The following FRYL variants were observed in gnomAD, a reference collection of about 807,000 sequenced individuals.
FRYL encodes protein furry homolog-like.
Under a neutral mutation model 351.2 loss-of-function variants are expected in FRYL, and 150 were observed. The ratio of observed to expected loss-of-function variants is 0.43; its 90% CI spans 0.37 to 0.49. FRYL has a LOEUF of 0.49. FRYL is among the 20% of genes least tolerant of loss of function. The pLI, the probability that FRYL is intolerant of heterozygous loss-of-function variation, is 0.00. For synonymous variants in FRYL, 1,153 were observed against 1,257.1 expected (o/e 0.92, Z 1.75); for missense variants, 3,036 against 3,619.3 (o/e 0.84, Z 4.13).
chr4:48,516,402 T>C (rs1401652930), intron 55 of FRYL, among the ~76,000 whole-genome samples: 1 of 152,186 alleles, frequency 6.6e-6, no homozygotes, highest in Non-Finnish European at 1.5e-5. Flanking sequence ...AAAGCATATA[T>C]GATGATGGTA....
intron 3 of FRYL, among the ~76,000 whole-genome samples, chr4:48,666,387 A>G (rs1456408927): frequency 1.9e-5 from 1 of 52,130 alleles, no homozygotes; most frequent in East Asian, 7.7e-4. Context: ...TAAAAAGTAA[A>G]TAAATAAATA....
Position 48,576,211 on chromosome 4 carries a change from T to G in FRYL, c.2540A>C (p.Asn847Thr). The G allele has an allele frequency of 1.2e-6, 2 of 1,601,186 alleles. No individual in the cohort carries two copies. The highest frequency in any genetic ancestry group is 1.7e-6 in the Non-Finnish European group (2 of 1,174,704). Residue 847 changes from asparagine to threonine, a missense_variant, in exon 24 of 64, where the codon AAT (asparagine) becomes ACT (threonine). Transcript: ENST00000358350. ...SPQVDINSPI[N>T]AKKVNTTTSS... Reference sequence around the variant, plus strand: ...TGTGGTGGTATTTACTTTCTTAGCATTGATGGGGCTACTAAGGAAAAAAAA... The same window carrying G: ...TGTGGTGGTATTTACTTTCTTAGCAGTGATGGGGCTACTAAGGAAAAAAAA...
chr4:48,609,785 T>A lies in FRYL; in HGVS notation c.450A>T (p.Glu150Asp). ...VHPVPDPLVHEVLNLAFKHFK... is the reference protein window; with the variant it reads ...VHPVPDPLVHDVLNLAFKHFK... The stretch of plus-strand genomic sequence containing the variant: ...AGTGCTTAAAAGCTAAGTTTAGAAC[T>A]TCATGAACTAAGGGATCGGGTACAG... Residue 150 changes from glutamate to aspartate, a missense_variant, in exon 8 of 64, where the codon GAA (glutamate) becomes GAT (aspartate). Glu to Asp is a conservative substitution (Grantham distance 45). Coordinates refer to ENST00000358350, the MANE Select transcript of FRYL (RefSeq NM_015030.2). The A allele has an allele frequency of 6.3e-7, 1 of 1,596,632 alleles. No homozygotes were observed. The highest frequency in any genetic ancestry group is 1.1e-5 in the South Asian group (1 of 87,828).
intron 59 of FRYL, chr4:48,506,338 A>G (rs1433910254): frequency 2.0e-5 from 3 of 151,908 alleles, no homozygotes; most frequent in Admixed American, 6.6e-5. Context: ...GTTCAAGACC[A>G]TCCTGGGCAA....
At chr4:48,766,254 G>A (rs186272561) in intron 1 of FRYL, among the ~76,000 whole-genome samples, 3 of 152,122 alleles carry the variant, frequency 2.0e-5, no homozygotes, top group African/African-American at 4.8e-5. Flanking sequence ...AACTACACAC[G>A]ATGGCTACAA....
Position 48,561,493 on chromosome 4 carries a change from A to G in FRYL, c.3840T>C (p.Pro1280=). The change falls in exon 33 of 64, where the codon CCT becomes CCC. Residue 1280 remains proline (P), a synonymous_variant. Transcript: ENST00000358350. ...QLSEELARAY[P]ELTLAIFSEI... The stretch of plus-strand genomic sequence containing the variant: ...CTGAGAATATGGCGAGAGTTAGCTC[A>G]GGATACGCCCTTGCTAGTTCCTCGG... 6.2e-7 allele frequency: 1 copy of G among 1,601,810 alleles called. No individual in the cohort carries two copies. The highest frequency in any genetic ancestry group is 2.2e-5 in the East Asian group (1 of 44,708).
intron 1 of FRYL, among the ~76,000 whole-genome samples, chr4:48,764,113 T>C (rs970380565): frequency 6.6e-6 from 1 of 152,270 alleles, no homozygotes; most frequent in South Asian, 2.1e-4. Flanking sequence ...AAGGTCATAG[T>C]GAGCTGAGAT....
At chr4:48,509,948 T>G in intron 59 of FRYL, 111 bp downstream of exon 59, 1 of 658,598 alleles carries the variant, frequency 1.5e-6, no homozygotes, top group Non-Finnish European at 2.7e-6. Flanking sequence ...AGGAAAACCC[T>G]GAGGCAGGTG....
At chr4:48,532,831 T>C (rs150132869) in intron 49 of FRYL, among the ~76,000 whole-genome samples, 9 of 152,266 alleles carry the variant, frequency 5.9e-5, no homozygotes, top group African/African-American at 1.9e-4. Context: ...TAAAAGACTA[T>C]CGATAATTCA....
chr4:48,639,921 T>A (rs749311550), intron 3 of FRYL, among the ~76,000 whole-genome samples: 5 of 152,132 alleles, frequency 3.3e-5, no homozygotes, highest in Non-Finnish European at 7.4e-5. Flanking sequence ...TGCAACCTCA[T>A]ATGTCTTCAG....
At chr4:48,669,256 A>G (rs1428171200) in intron 3 of FRYL, among the ~76,000 whole-genome samples, 2 of 152,128 alleles carry the variant, frequency 1.3e-5, no homozygotes, top group Admixed American at 6.6e-5. Context: ...ACAGTCATCC[A>G]CCAGGAAGGT....
At chr4:48,761,957 G>A (rs963491991) in intron 1 of FRYL, among the ~76,000 whole-genome samples, 2 of 152,096 alleles carry the variant, frequency 1.3e-5, no homozygotes, top group African/African-American at 4.8e-5. Context: ...ACAGGAGGTG[G>A]GACCTTTAGG....
At chr4:48,595,289 C>G (rs1038831186) in intron 15 of FRYL, among the ~76,000 whole-genome samples, 7 of 152,120 alleles carry the variant, frequency 4.6e-5, no homozygotes, top group Admixed American at 1.3e-4. Flanking sequence ...TTATCAGTAC[C>G]TAAGAATCTA....
chr4:48,713,382 C>T (rs1308603405), intron 1 of FRYL, among the ~76,000 whole-genome samples: 9 of 152,050 alleles, frequency 5.9e-5, no homozygotes, highest in Admixed American at 3.9e-4. Flanking sequence ...ACCCATCTCA[C>T]GTGCAGAGAC....
At chr4:48,683,877 TTC>T (rs1158800123) in intron 3 of FRYL, among the ~76,000 whole-genome samples, 1 of 152,210 alleles carries the variant, frequency 6.6e-6, no homozygotes, top group African/African-American at 2.4e-5. Context: ...CTCTCCCTCC[TTC>T]TCTCTCTGGA....
intron 44 of FRYL, 44 bp from the exon 45 acceptor site, chr4:48,542,165 A>G (rs1365378957): frequency 1.5e-6 from 2 of 1,333,364 alleles, no homozygotes; most frequent in South Asian, 1.2e-5. Flanking sequence ...GCTCTGGAAT[A>G]AAGAAACTGC....
intron 2 of FRYL, among the ~76,000 whole-genome samples, chr4:48,707,958 C>T (rs1042142410): frequency 6.6e-6 from 1 of 151,486 alleles, no homozygotes; most frequent in Non-Finnish European, 1.5e-5. Flanking sequence ...GTAGCTCGGA[C>T]TATAGGCACG....
At chr4:48,508,297 A>G (rs1477410690) in intron 59 of FRYL, among the ~76,000 whole-genome samples, 2 of 152,174 alleles carry the variant, frequency 1.3e-5, no homozygotes, top group African/African-American at 4.8e-5. Context: ...TTAATATACC[A>G]TCTGAGATTT....
intron 3 of FRYL, among the ~76,000 whole-genome samples, chr4:48,641,342 G>A (rs1301359790): frequency 6.6e-6 from 1 of 152,072 alleles, no homozygotes; most frequent in Admixed American, 6.6e-5. Context: ...ACCAGATGCT[G>A]TTTGTTTCCA....
Sources: allele counts gnomAD v4.1 joint callset (sites outside exome capture counted in the v4.1 genomes callset), GRCh38; gene constraint gnomAD v4.1.1; transcripts MANE v1.5; gene names NCBI Gene and HGNC (gene_info 2026-07-23, HGNC 2026-07-21).